The following MPP7 variants were observed in gnomAD, a reference collection of about 807,000 sequenced individuals.
MPP7 encodes the protein MAGUK p55 scaffold protein 7, also known as MAGUK p55 subfamily member 7.
MPP7 carries 60 observed loss-of-function variants against 76.5 expected under a neutral mutation model. The observed-to-expected ratio is 0.78, with a 90% CI of 0.64 to 0.97. The LOEUF is 0.97. Ranked by LOEUF, MPP7 falls within the 50% of genes least tolerant of loss-of-function variation. MPP7 has a pLI of 0.00. For missense variants in MPP7, 641 were observed against 694.0 expected (o/e 0.92, Z 0.86); for synonymous variants, 237 against 244.5 (o/e 0.97, Z 0.29).
At chr10:28,323,834 C>T (rs529386130) in intron 2 of MPP7, among the ~76,000 whole-genome samples, 3 of 152,120 alleles carry the variant, frequency 2.0e-5, no homozygotes, top group African/African-American at 4.8e-5. Context: ...TGGCATAATA[C>T]GCCACCTCTT....
chr10:28,153,038 G>A (rs569062973), intron 3 of MPP7, among the ~76,000 whole-genome samples: 1 of 152,264 alleles, frequency 6.6e-6, no homozygotes, highest in South Asian at 2.1e-4. Context: ...CAGATCACTT[G>A]AGGTCAGGAG....
intron 13 of MPP7, among the ~76,000 whole-genome samples, chr10:28,063,787 T>A (rs1487092830): frequency 6.6e-6 from 1 of 152,180 alleles, no homozygotes; most frequent in Non-Finnish European, 1.5e-5. Flanking sequence ...GTGGAAAAAC[T>A]GTCTTCTGTG....
Position 28,330,064 on chromosome 10 carries a change from C to G in MPP7, c.-205-62G>C, listed in dbSNP as rs1172956910. 2.0e-5 allele frequency: 3 copies of G among 150,938 alleles called. No individual in the cohort carries two copies. The East Asian group carries it at 5.8e-4, about 29-fold the overall frequency. 9.3% of individuals were successfully genotyped at this position (150,938 alleles called of 1,614,324 possible). ...TGAGGTGCTGTTAATAGCTTCCCAA[C>G]AGGTACCACATAGCATCTACCAAAC... On this transcript the variant is annotated intron_variant, in intron 1 of 11. Coordinates refer to the MPP7 transcript ENST00000441595.
At chr10:28,168,089 T>C (rs1057331044) in intron 3 of MPP7, among the ~76,000 whole-genome samples, 3 of 152,076 alleles carry the variant, frequency 2.0e-5, no homozygotes, top group Non-Finnish European at 4.4e-5. Context: ...ATACAAAATT[T>C]AGTCGGGCAT....
intron 2 of MPP7, among the ~76,000 whole-genome samples, chr10:28,209,901 AAGATC>A (rs1838075224): frequency 1.3e-5 from 2 of 152,204 alleles, no homozygotes; most frequent in South Asian, 4.1e-4. Flanking sequence ...CTCAAGAAAG[AAGATC>A]TGCTCTCACC....
rs1588851603 is a variant in MPP7, at chr10:28,150,028, T to C, written c.188A>G (p.Gln63Arg). 6.2e-7 allele frequency: 1 copy of C among 1,613,788 alleles called. No homozygotes were observed. The highest frequency in any genetic ancestry group is 8.5e-7 in the Non-Finnish European group (1 of 1,179,900). ...IHEKLHYYEK[Q>R]SPVPILHGAA... ...ACCATGGAGAATGGGCACCGGACTC[T>C]GCTTCTCATAGTAGTGTAGTTTTTC... Residue 63 changes from glutamine to arginine, a missense_variant, in exon 4 of 17, where the codon CAG (glutamine) becomes CGG (arginine). Gln to Arg is a conservative substitution (Grantham distance 43). Transcript: ENST00000683449.
intron 3 of MPP7, among the ~76,000 whole-genome samples, chr10:28,159,814 T>C (rs1836196742): frequency 6.6e-6 from 1 of 152,202 alleles, no homozygotes; most frequent in Admixed American, 6.5e-5. Flanking sequence ...TACATGGCGC[T>C]TACCCATGCA....
In MPP7 at chr10:28,206,319, G is replaced by A. The variant is rs1213385526; in HGVS notation, c.38-4048C>T. 2.0e-5 allele frequency among the ~76,000 whole-genome samples: 3 copies of A among 152,102 alleles called. No homozygotes were observed. In the East Asian group the frequency reaches 5.8e-4, roughly 29 times the overall value. ...CAACATAAAGCAATCCTAAATATAA[G>A]GCTCTCTTATTTGCCCAAGAAAAGA... On this transcript the variant is annotated intron_variant, in intron 2 of 16. Transcript: ENST00000683449.
chr10:28,119,069 A>T, intron 11 of MPP7: 1 of 985,334 alleles, frequency 1.0e-6, no homozygotes, highest in Non-Finnish European at 1.2e-6. Context: ...AGGCTGAAAG[A>T]GAAAAAAAAG....
intron 12 of MPP7, among the ~76,000 whole-genome samples, chr10:28,079,029 T>C (rs1360679715): frequency 6.6e-6 from 1 of 152,158 alleles, no homozygotes; most frequent in Non-Finnish European, 1.5e-5. Context: ...TAGAAGAAGG[T>C]AGACATACAT....
intron 14 of MPP7, 71 bp from the exon 15 acceptor site, chr10:28,058,674 T>C (rs773159080): frequency 6.8e-5 from 55 of 808,806 alleles, no homozygotes; most frequent in Admixed American, 1.5e-4. Flanking sequence ...ATAAAATTCA[T>C]AGGTAAAAGA....
intron 3 of MPP7, among the ~76,000 whole-genome samples, chr10:28,192,897 C>T (rs1330653928): frequency 6.6e-6 from 1 of 152,150 alleles, no homozygotes; most frequent in Non-Finnish European, 1.5e-5. Flanking sequence ...ATCAAGGCAG[C>T]ATGTGTTGAT....
rs773998586 is a variant in MPP7, at chr10:28,149,665, CTT to C, written c.234+315_234+316del. 5.3e-5 allele frequency among the ~76,000 whole-genome samples: 8 copies of C among 152,298 alleles called. No homozygotes were observed. The South Asian group carries it at 1.0e-3, about 20-fold the overall frequency. On this transcript the variant is annotated intron_variant, in intron 4 of 16. Coordinates refer to ENST00000683449, the MANE Select transcript of MPP7 (RefSeq NM_001318170.2). ...GTCTTTATTTCTCCAAAGCATTCCT[CTT>C]GTCTGTGACTTTCTCAGAACACCAA...
At chr10:28,111,665 A>G (rs1266507362) in intron 11 of MPP7, among the ~76,000 whole-genome samples, 1 of 152,220 alleles carries the variant, frequency 6.6e-6, no homozygotes, top group Admixed American at 6.5e-5. Context: ...TCAATGTTAT[A>G]TACATATCAA....
intron 8 of MPP7, among the ~76,000 whole-genome samples, chr10:28,120,881 C>T (rs187824075): frequency 6.6e-6 from 1 of 152,278 alleles, no homozygotes; most frequent in East Asian, 1.9e-4. Flanking sequence ...ACATTAACTC[C>T]TAAATCCACT....
intron 11 of MPP7, among the ~76,000 whole-genome samples, chr10:28,108,660 TAATAAAATAA>T (rs3063306): frequency 1.1e-4 from 16 of 150,684 alleles, no homozygotes; most frequent in East Asian, 5.9e-4. Context: ...CTGTCTCAAA[TAATAAAATAA>T]AATAAAATAA....
rs28681019 is a variant in MPP7 at position 28,069,615 on chromosome 10, C to A, written c.1204+157G>T. Among the ~76,000 whole-genome samples the A allele has an allele frequency of 1.6e-3, 154 of 96,138 alleles. 4 individuals carry two copies. Among genetic ancestry groups the A allele is most frequent in the East Asian group, 0.014 (10 of 708 alleles). 63.1% of individuals were successfully genotyped at this position (96,138 alleles called of 152,430 possible). On this transcript the variant is annotated intron_variant, in intron 13 of 16. Transcript: ENST00000683449. The stretch of plus-strand genomic sequence containing the variant: ...GAGACTCCATCTCAAAAAAACAAAA[C>A]AAACAAAAAAAAAACTCACATGCCC...
intron 3 of MPP7, among the ~76,000 whole-genome samples, chr10:28,195,308 T>C (rs1280675266): frequency 6.6e-6 from 1 of 151,762 alleles, no homozygotes; most frequent in Admixed American, 6.6e-5. Context: ...TATAAAATGG[T>C]TCAGCCACTT....
Position 28,058,484 on chromosome 10 carries a change from T to C in MPP7, c.1407+11A>G. ...GTCAGAAGGGTATTGAATAGCTCAT[T>C]GTTTACTTACATGAGGCTGAACATC... On this transcript the variant is annotated intron_variant, in intron 15 of 16. Transcript: ENST00000683449. 3 of 1,524,818 alleles carry C rather than the reference T, an allele frequency of 2.0e-6. No homozygotes were observed. The highest frequency in any genetic ancestry group is 1.2e-5 in the South Asian group (1 of 85,302). The allele number at this position is 1,524,818 out of a possible 1,614,324, so 94.5% of individuals were successfully genotyped here.
Sources: allele counts gnomAD v4.1 joint callset (sites outside exome capture counted in the v4.1 genomes callset), GRCh38; gene constraint gnomAD v4.1.1; transcripts MANE v1.5; gene names NCBI Gene and HGNC (gene_info 2026-07-23, HGNC 2026-07-21).